Variants in GNAQ observed in about 807,000 individuals in gnomAD.
The protein encoded by GNAQ is guanine nucleotide-binding protein G(q) subunit alpha.
Under a neutral mutation model 43.9 loss-of-function variants are expected in GNAQ, and 8 were observed. The observed-to-expected ratio is 0.18, with a 90% CI of 0.11 to 0.33. The LOEUF is 0.33. Ranked by LOEUF, GNAQ falls within the 10% of genes least tolerant of loss-of-function variation. The pLI is 1.00. For synonymous variants in GNAQ, 155 were observed against 170.7 expected, an observed-to-expected ratio of 0.91 and a Z score of 0.71; for missense variants, 158 against 450.8, an observed-to-expected ratio of 0.35 and a Z score of 5.88.
chr9:77,929,473 A>G (rs1829116170), intron 1 of GNAQ, among the ~76,000 whole-genome samples: 1 of 152,100 alleles, frequency 6.6e-6, no homozygotes, highest in South Asian at 2.1e-4. Flanking sequence ...GAACATTTTG[A>G]TATATTTCTT....
intron 5 of GNAQ, among the ~76,000 whole-genome samples, chr9:77,766,661 G>C (rs564383974): frequency 6.6e-6 from 1 of 152,222 alleles, no homozygotes; most frequent in Non-Finnish European, 1.5e-5. Flanking sequence ...GGGAGGCTGG[G>C]GATGTCAGAC....
chr9:77,995,491 T>C (rs953512485), intron 1 of GNAQ, among the ~76,000 whole-genome samples: 6 of 152,034 alleles, frequency 3.9e-5, no homozygotes, highest in East Asian at 1.9e-4. Context: ...CTTATTAACA[T>C]ATATATATAT....
At chr9:77,799,268 T>C (rs1209096051) in intron 3 of GNAQ, among the ~76,000 whole-genome samples, 3 of 152,078 alleles carry the variant, frequency 2.0e-5, no homozygotes, top group Non-Finnish European at 2.9e-5. Context: ...TTAATAGAAA[T>C]GGAAGGGGTT....
intron 5 of GNAQ, among the ~76,000 whole-genome samples, chr9:77,736,860 T>A (rs1333271471): frequency 6.6e-6 from 1 of 152,158 alleles, no homozygotes; most frequent in Non-Finnish European, 1.5e-5. Flanking sequence ...GATGAACGGA[T>A]TAATATTTCC....
chr9:77,986,416 C>G (rs1283142190), intron 1 of GNAQ, among the ~76,000 whole-genome samples: 1 of 152,154 alleles, frequency 6.6e-6, no homozygotes, highest in Non-Finnish European at 1.5e-5. Flanking sequence ...CAAACCTAAT[C>G]AAAGCTCAAA....
chr9:77,743,260 C>CA (rs1825680086), intron 5 of GNAQ, among the ~76,000 whole-genome samples: 1 of 150,174 alleles, frequency 6.7e-6, no homozygotes, highest in African/African-American at 2.5e-5. Context: ...CCATCTCAAA[C>CA]AAAAAACAAA....
intron 2 of GNAQ, among the ~76,000 whole-genome samples, chr9:77,879,898 A>G (rs986718937): frequency 6.6e-6 from 1 of 152,156 alleles, no homozygotes; most frequent in Non-Finnish European, 1.5e-5. Context: ...TGAAAATCCC[A>G]GTTAGCTGTA....
chr9:77,790,339 A>T (rs1826547909), intron 5 of GNAQ, among the ~76,000 whole-genome samples: 1 of 152,234 alleles, frequency 6.6e-6, no homozygotes, highest in South Asian at 2.1e-4. Context: ...AATTCCCAAA[A>T]GCTCACTCAA....
At chr9:77,761,513 C>T (rs1225451226) in intron 5 of GNAQ, among the ~76,000 whole-genome samples, 17 of 136,354 alleles carry the variant, frequency 1.2e-4, no homozygotes, top group South Asian at 2.4e-4. Flanking sequence ...GGTCAGCCCC[C>T]CGCCCGGCCA....
intron 1 of GNAQ, among the ~76,000 whole-genome samples, chr9:77,970,406 C>A (rs73653019): frequency 3.1e-3 from 479 of 152,244 alleles, no homozygotes; most frequent in African/African-American, 0.011. Flanking sequence ...CCCAACTGCA[C>A]ACACACATCA....
chr9:77,847,183 C>T (rs1276755210), intron 2 of GNAQ, among the ~76,000 whole-genome samples: 1 of 152,170 alleles, frequency 6.6e-6, no homozygotes, highest in Non-Finnish European at 1.5e-5. Flanking sequence ...TGTCTAGAAA[C>T]ATCTCTCGCT....
chr9:77,796,823 G>T (rs1826666603), intron 4 of GNAQ, among the ~76,000 whole-genome samples: 1 of 152,130 alleles, frequency 6.6e-6, no homozygotes, highest in African/African-American at 2.4e-5. Flanking sequence ...CTTAATTTCT[G>T]TGATTGACAG....
intron 5 of GNAQ, among the ~76,000 whole-genome samples, chr9:77,784,167 G>T (rs1826439832): frequency 6.6e-6 from 1 of 151,596 alleles, no homozygotes; most frequent in South Asian, 2.1e-4. Context: ...CCCTGCCAGA[G>T]ATCCATTTTG....
At chr9:77,846,565 A>G (rs1827587838) in intron 2 of GNAQ, among the ~76,000 whole-genome samples, 1 of 152,162 alleles carries the variant, frequency 6.6e-6, no homozygotes, top group Admixed American at 6.5e-5. Context: ...CAGAGAAGGA[A>G]CCAGTTAGAT....
chr9:77,827,133 T>TC (rs774128780), intron 2 of GNAQ, among the ~76,000 whole-genome samples: 26 of 151,928 alleles, frequency 1.7e-4, no homozygotes, highest in Admixed American at 2.6e-4. Context: ...GGTTTTTTTT[T>TC]CTCTCTAGAA....
At chr9:77,748,660 C>T (rs953309722) in intron 5 of GNAQ, among the ~76,000 whole-genome samples, 4 of 152,138 alleles carry the variant, frequency 2.6e-5, no homozygotes, top group African/African-American at 9.7e-5. Context: ...GTTATTTAAC[C>T]CTTCTTTGCT....
intron 2 of GNAQ, among the ~76,000 whole-genome samples, chr9:77,893,472 T>G (rs1250544333): frequency 6.6e-6 from 1 of 152,220 alleles, no homozygotes; most frequent in Non-Finnish European, 1.5e-5. Flanking sequence ...AACTCATAAA[T>G]AATCTACCCC....
chr9:78,015,578 AAC>A (rs1287926669), intron 1 of GNAQ, among the ~76,000 whole-genome samples: 1 of 152,186 alleles, frequency 6.6e-6, no homozygotes, highest in Non-Finnish European at 1.5e-5. Flanking sequence ...TTTTAAGACA[AAC>A]ACACATATGC....
At chr9:77,738,488 G>T (rs1418625742) in intron 5 of GNAQ, among the ~76,000 whole-genome samples, 1 of 152,032 alleles carries the variant, frequency 6.6e-6, no homozygotes, top group Admixed American at 6.5e-5. Flanking sequence ...AGTAGGAAAA[G>T]AAAAAAGTTC....
Sources: gnomAD v4.1 joint callset for allele counts (sites outside exome capture counted in the v4.1 genomes callset) on GRCh38, gnomAD v4.1.1 for gene constraint, MANE v1.5 for transcripts, NCBI Gene and HGNC (gene_info 2026-07-23, HGNC 2026-07-21) for gene names.